Variants in COPS2 observed in about 807,000 individuals in gnomAD.
The protein encoded by COPS2 is COP9 signalosome subunit 2.
In COPS2, 10 loss-of-function variants were observed where a neutral mutation model predicts 66.1. The ratio of observed to expected loss-of-function variants is 0.15; its 90% CI spans 0.09 to 0.26. COPS2 has a LOEUF of 0.26. Among genes scored for constraint, COPS2 ranks in the 10% least tolerant of loss-of-function variants. COPS2 has a pLI of 1.00. For missense variants in COPS2, 215 were observed against 513.3 expected, an observed-to-expected ratio of 0.42 and a Z score of 5.62; for synonymous variants, 179 against 171.3, an observed-to-expected ratio of 1.04 and a Z score of -0.35.
chr15:49,143,012 C>T (rs995525835), intron 3 of COPS2, among the ~76,000 whole-genome samples: 1 of 152,038 alleles, frequency 6.6e-6, no homozygotes, highest in African/African-American at 2.4e-5. Flanking sequence ...ATTTAAGTGA[C>T]GATGGGAAGA....
chr15:49,149,712 C>T (rs1595826495), intron 1 of COPS2, among the ~76,000 whole-genome samples: 2 of 152,274 alleles, frequency 1.3e-5, no homozygotes, highest in East Asian at 3.9e-4. Context: ...TTTACTTACT[C>T]TTGTATTTAC....
At position 49,155,589 on chromosome 15, in the gene COPS2, A is replaced by T. The variant is rs1320501225; in HGVS notation, c.-11T>A. On this transcript the variant is annotated 5_prime_UTR_variant, in exon 1 of 13. Transcript: ENST00000388901. The stretch of plus-strand genomic sequence containing the variant: ...CTCCATGTCAGACATCTTGGCCGGG[A>T]GGGGGAGGAGAAATTGGAGACAACC... The T allele has an allele frequency of 6.2e-7, 1 of 1,613,766 alleles. No homozygotes were observed. Among genetic ancestry groups the T allele is most frequent in the Non-Finnish European group, 8.5e-7 (1 of 1,179,824 alleles).
Position 49,133,926 on chromosome 15 carries a change from G to T in COPS2, c.894+4C>A. 6.2e-7 allele frequency: 1 copy of T among 1,603,162 alleles called. No homozygotes were observed. The highest frequency in any genetic ancestry group is 8.5e-7 in the Non-Finnish European group (1 of 1,174,496). ...AGAGAAATTAACAATTAAAACACAC[G>T]TACCTCCTGTGAGTCAAATGGATTT... On this transcript the variant is annotated splice_donor_region_variant and intron_variant, in intron 8 of 12. Coordinates refer to ENST00000388901, the MANE Select transcript of COPS2 (RefSeq NM_004236.4).
chr15:49,134,188 G>C, intron 7 of COPS2, 80 bp from the exon 8 acceptor site: 1 of 1,427,326 alleles, frequency 7.0e-7, no homozygotes. Flanking sequence ...AATGCCAAAT[G>C]AAAACTATTT....
At chr15:49,135,243 G>A (rs984961582) in intron 6 of COPS2, among the ~76,000 whole-genome samples, 6 of 152,160 alleles carry the variant, frequency 3.9e-5, no homozygotes, top group African/African-American at 1.4e-4. Context: ...CGTATGAAAT[G>A]TTTTAATGTT....
At chr15:49,140,040 T>C (rs188136706) in intron 3 of COPS2, among the ~76,000 whole-genome samples, 249 of 152,134 alleles carry the variant, frequency 1.6e-3, no homozygotes, top group African/African-American at 5.3e-3. Context: ...CAGGCTGGAG[T>C]GCATGGCGCG....
intron 9 of COPS2, among the ~76,000 whole-genome samples, chr15:49,133,371 G>A (rs1157124167): frequency 6.6e-6 from 1 of 152,166 alleles, no homozygotes; most frequent in Non-Finnish European, 1.5e-5. Context: ...ATGCTGTCTT[G>A]TCTTACTGAA....
At chr15:49,142,803 T>G (rs1302194942) in intron 3 of COPS2, among the ~76,000 whole-genome samples, 1 of 152,152 alleles carries the variant, frequency 6.6e-6, no homozygotes, top group Non-Finnish European at 1.5e-5. Context: ...TAGAATAAGT[T>G]ATGAGTTCAT....
chr15:49,150,085 C>T (rs1037369425), intron 1 of COPS2, among the ~76,000 whole-genome samples: 4 of 151,480 alleles, frequency 2.6e-5, no homozygotes, highest in South Asian at 2.1e-4. Context: ...ACCAGGAGTT[C>T]GAGACCAGCC....
rs1233914064 is a variant in COPS2 at position 49,125,292 on chromosome 15, G to A, written c.*2658C>T. The A allele has an allele frequency of 6.6e-6, 1 of 152,104 alleles. No homozygotes were observed. Among genetic ancestry groups the A allele is most frequent in the Non-Finnish European group, 1.5e-5 (1 of 67,972 alleles). 9.4% of individuals were successfully genotyped at this position (152,104 alleles called of 1,614,324 possible). A position where few individuals can be genotyped will look rare whatever the true frequency, so the allele number is the denominator to read the frequency against. On this transcript the variant is annotated 3_prime_UTR_variant, in exon 13 of 13. Transcript: ENST00000388901. ...TGTTACATTAAGATGTAGAGAAAAA[G>A]TATTTAATCAACAACTTTAATGTAA...
In COPS2 at chr15:49,123,681, CT is replaced by C. The variant is rs2084141825; in HGVS notation, c.*4268del. On this transcript the variant is annotated 3_prime_UTR_variant, in exon 13 of 13. Coordinates refer to ENST00000388901, the MANE Select transcript of COPS2 (RefSeq NM_004236.4). ...GTAAGTACTTAAGAAATAATTTTTT[CT>C]TTTTTCCTGTCACAGGGTTTTAAGG... is the stretch of plus-strand genomic sequence containing the variant. 2 of 152,206 alleles carry C rather than the reference CT, an allele frequency of 1.3e-5. No homozygotes were observed. The highest frequency in any genetic ancestry group is 4.1e-4 in the South Asian group (2 of 4,828). The allele number at this position is 152,206 out of a possible 1,614,324, so 9.4% of individuals were successfully genotyped here. A position where few individuals can be genotyped will look rare whatever the true frequency, so the allele number is the denominator to read the frequency against.
At chr15:49,130,690 A>G (rs2084201634) in intron 10 of COPS2, 29 bp downstream of exon 10, 9 of 1,343,804 alleles carry the variant, frequency 6.7e-6, no homozygotes, top group Non-Finnish European at 9.5e-6. Context: ...AAAGAAAGTA[A>G]TAGAATCCAG....
At chr15:49,148,001 A>G (rs997428716) in intron 1 of COPS2, among the ~76,000 whole-genome samples, 10 of 152,202 alleles carry the variant, frequency 6.6e-5, no homozygotes, top group African/African-American at 2.4e-4. Context: ...GGCTTGAACC[A>G]GCCATCATGA....
At position 49,144,401 on chromosome 15, in the gene COPS2, T is replaced by C. The variant is rs1039361517; in HGVS notation, c.169-97A>G. 1.5e-5 allele frequency: 10 copies of C among 685,822 alleles called. No homozygotes were observed. The African/African-American group carries it at 1.5e-4, about 10-fold the overall frequency. The allele number at this position is 685,822 out of a possible 1,614,324, so 42.5% of individuals were successfully genotyped here. A position where few individuals can be genotyped will look rare whatever the true frequency, so the allele number is the denominator to read the frequency against. ...AGTATTGAATTAATTTTATACTATATGCATAAAAAACATTTCCCCAAGGAT... is the reference window on the plus strand; with the variant it reads ...AGTATTGAATTAATTTTATACTATACGCATAAAAAACATTTCCCCAAGGAT... On this transcript the variant is annotated intron_variant, in intron 2 of 12. Coordinates refer to ENST00000388901, the MANE Select transcript of COPS2 (RefSeq NM_004236.4).
At chr15:49,132,355 T>C (rs1195035259) in intron 9 of COPS2, among the ~76,000 whole-genome samples, 2 of 145,606 alleles carry the variant, frequency 1.4e-5, no homozygotes, top group Non-Finnish European at 3.0e-5. Flanking sequence ...AAAAAAACGC[T>C]TTTTTTTTTA....
chr15:49,148,212 A>G (rs1437636739), intron 1 of COPS2, among the ~76,000 whole-genome samples: 1 of 152,178 alleles, frequency 6.6e-6, no homozygotes, highest in East Asian at 1.9e-4. Context: ...GCAATTAATT[A>G]TTGCTCACAG....
rs976458605 is a variant in COPS2 at position 49,123,171 on chromosome 15, T to A, written c.*4779A>T. On this transcript the variant is annotated 3_prime_UTR_variant, in exon 13 of 13. Coordinates refer to ENST00000388901, the MANE Select transcript of COPS2 (RefSeq NM_004236.4). ...AAACATTTGAACAGAAATTAGATAC[T>A]CAACACTTGGCATTAATATGTTGCT... is the stretch of plus-strand genomic sequence containing the variant. 2 of 152,214 alleles carry A rather than the reference T, an allele frequency of 1.3e-5. No individual in the cohort carries two copies. The highest frequency in any genetic ancestry group is 4.8e-5 in the African/African-American group (2 of 41,460). The allele number at this position is 152,214 out of a possible 1,614,324, so 9.4% of individuals were successfully genotyped here.
At chr15:49,141,106 C>A (rs2084287125) in intron 3 of COPS2, among the ~76,000 whole-genome samples, 1 of 152,108 alleles carries the variant, frequency 6.6e-6, no homozygotes, top group Non-Finnish European at 1.5e-5. Flanking sequence ...CTGCTAAATC[C>A]ACATTACAGT....
chr15:49,149,741 G>C (rs2084345638), intron 1 of COPS2, among the ~76,000 whole-genome samples: 1 of 152,222 alleles, frequency 6.6e-6, no homozygotes, highest in South Asian at 2.1e-4. Flanking sequence ...GAAGTCCTAA[G>C]AAATGTACTT....
Sources: allele counts gnomAD v4.1 joint callset (sites outside exome capture counted in the v4.1 genomes callset), GRCh38; gene constraint gnomAD v4.1.1; transcripts MANE v1.5; gene names NCBI Gene and HGNC (gene_info 2026-07-23, HGNC 2026-07-21).